ABL2: variants seen among roughly 807,000 people sequenced by gnomAD.
The protein encoded by ABL2 is tyrosine-protein kinase ABL2.
ABL2 carries 49 observed loss-of-function variants against 107.7 expected under a neutral mutation model. The ratio of observed to expected loss-of-function variants is 0.45; its 90% CI spans 0.36 to 0.58. The LOEUF is 0.58. Ranked by LOEUF, ABL2 falls within the 20% of genes least tolerant of loss-of-function variation. The pLI, the probability that ABL2 is intolerant of heterozygous loss-of-function variation, is 0.00. For missense variants in ABL2, 1,245 were observed against 1,457.0 expected, an observed-to-expected ratio of 0.85 and a Z score of 2.37; for synonymous variants, 549 against 548.6, an observed-to-expected ratio of 1.00 and a Z score of -0.01.
In ABL2 at chr1:179,196,177, T is replaced by C. The variant is rs201682923; in HGVS notation, c.157+33064A>G. 3.5e-4 allele frequency among the ~76,000 whole-genome samples: 54 copies of C among 152,362 alleles called. No homozygotes were observed. In the East Asian group the frequency reaches 5.8e-3, roughly 16 times the overall value. On this transcript the variant is annotated intron_variant, in intron 1 of 11. Transcript: ENST00000502732. ...ATATCAGTCTCAATCAGGCCTGCTA[T>C]GTTAATTCTTTCTGCACAACTGAGA...
chr1:179,135,631 C>T lies in ABL2; in HGVS notation c.158-2257G>A, dbSNP rs573555183. Reference sequence around the variant, plus strand: ...GTCAGCCCCCCACCCGGCCAGCCGCCCCATCCGGGAGGGAGGTGAGGGGGT... The same window carrying T: ...GTCAGCCCCCCACCCGGCCAGCCGCTCCATCCGGGAGGGAGGTGAGGGGGT... On this transcript the variant is annotated intron_variant, in intron 1 of 11. Coordinates refer to ENST00000502732, the MANE Select transcript of ABL2 (RefSeq NM_007314.4). 3.1e-3 allele frequency among the ~76,000 whole-genome samples: 472 copies of T among 151,656 alleles called. 1 individual carries two copies. The highest frequency in any genetic ancestry group is 5.4e-3 in the Non-Finnish European group (363 of 67,780).
chr1:179,143,368 A>C (rs1322636288), intron 1 of ABL2, among the ~76,000 whole-genome samples: 1 of 152,242 alleles, frequency 6.6e-6, no homozygotes, highest in Non-Finnish European at 1.5e-5. Flanking sequence ...TGTAGAAGTT[A>C]ATATATCTCT....
chr1:179,213,007 T>C (rs1284746936), intron 1 of ABL2, among the ~76,000 whole-genome samples: 1 of 148,150 alleles, frequency 6.7e-6, no homozygotes, highest in Non-Finnish European at 1.5e-5. Context: ...GATCACACCA[T>C]TGCAATCCAG....
At chr1:179,138,847 C>G (rs1310013417) in intron 1 of ABL2, among the ~76,000 whole-genome samples, 1 of 152,256 alleles carries the variant, frequency 6.6e-6, no homozygotes, top group African/African-American at 2.4e-5. Flanking sequence ...GAGGGAGAGG[C>G]GCCAGCAGGA....
Position 179,103,087 on chromosome 1 carries a change from T to C in ABL2, c.*4631A>G, listed in dbSNP as rs925594871. The C allele has an allele frequency of 9.0e-6, 2 of 221,130 alleles. No individual in the cohort carries two copies. The highest frequency in any genetic ancestry group is 1.8e-5 in the Non-Finnish European group (2 of 110,526). 13.7% of individuals were successfully genotyped at this position (221,130 alleles called of 1,614,324 possible). A position where few individuals can be genotyped will look rare whatever the true frequency, so the allele number is the denominator to read the frequency against. On this transcript the variant is annotated 3_prime_UTR_variant, in exon 12 of 12. Coordinates refer to ENST00000502732, the MANE Select transcript of ABL2 (RefSeq NM_007314.4). ...AATGGAGAAGAGTAAGAGGACCTCA[T>C]CCTTCTTGAGTCAAGGTCCTTGGAA...
chr1:179,212,433 G>C (rs1486698032), intron 1 of ABL2, among the ~76,000 whole-genome samples: 3 of 152,202 alleles, frequency 2.0e-5, no homozygotes, highest in African/African-American at 7.2e-5. Context: ...ATGTCCATTA[G>C]AAATATAATG....
Position 179,104,504 on chromosome 1 carries a change from C to T in ABL2, c.*3214G>A, listed in dbSNP as rs1653344665. 9.5e-6 allele frequency: 2 copies of T among 211,040 alleles called. No homozygotes were observed. The highest frequency in any genetic ancestry group is 5.9e-5 in the Admixed American group (1 of 17,020). The allele number at this position is 211,040 out of a possible 1,614,324, so 13.1% of individuals were successfully genotyped here. A position where few individuals can be genotyped will look rare whatever the true frequency, so the allele number is the denominator to read the frequency against. On this transcript the variant is annotated 3_prime_UTR_variant, in exon 12 of 12. Coordinates refer to ENST00000502732, the MANE Select transcript of ABL2 (RefSeq NM_007314.4). The stretch of plus-strand genomic sequence containing the variant: ...AAATGCTGCTGGTAAAGGGTCTCCA[C>T]TATAATGACCTCTATGTACAGAGGT...
intron 3 of ABL2, among the ~76,000 whole-genome samples, chr1:179,129,083 A>G (rs978916541): frequency 6.6e-6 from 1 of 152,236 alleles, no homozygotes; most frequent in East Asian, 1.9e-4. Flanking sequence ...TGTCTTTTAA[A>G]ATAATAAAAT....
intron 3 of ABL2, among the ~76,000 whole-genome samples, chr1:179,130,936 A>ATTTTTTT (rs11382795): frequency 2.8e-5 from 4 of 142,618 alleles, no homozygotes; most frequent in Non-Finnish European, 1.5e-5. Flanking sequence ...TTTCAGGATA[A>ATTTTTTT]TTTTTTTTTT....
intron 1 of ABL2, among the ~76,000 whole-genome samples, chr1:179,182,653 T>G (rs1241061005): frequency 6.6e-6 from 1 of 152,240 alleles, no homozygotes; most frequent in Non-Finnish European, 1.5e-5. Context: ...ATATCACATT[T>G]TCTTTATCCA....
At chr1:179,159,010 T>C (rs1658880120) in intron 1 of ABL2, among the ~76,000 whole-genome samples, 2 of 152,166 alleles carry the variant, frequency 1.3e-5, no homozygotes, top group Admixed American at 6.5e-5. Context: ...GCAGCTGTTA[T>C]ATTATGAGTA....
Position 179,143,489 on chromosome 1 carries a change from G to C in ABL2, c.158-10115C>G, listed in dbSNP as rs1480344034. On this transcript the variant is annotated intron_variant, in intron 1 of 11. Transcript: ENST00000502732. The stretch of plus-strand genomic sequence containing the variant: ...TTAAAAGAAAGGAAACGCCTAACAA[G>C]ACTCATCTTTTACATCACTTAAATA... 2.0e-5 allele frequency among the ~76,000 whole-genome samples: 3 copies of C among 152,126 alleles called. No homozygotes were observed. In the East Asian group the frequency reaches 5.8e-4, roughly 29 times the overall value.
chr1:179,127,194 C>G (rs1011257488), intron 3 of ABL2, among the ~76,000 whole-genome samples: 5 of 151,792 alleles, frequency 3.3e-5, no homozygotes, highest in African/African-American at 1.2e-4. Context: ...AAAACAAAAA[C>G]AAAAAATGAA....
At chr1:179,174,990 G>T (rs564018144) in intron 1 of ABL2, among the ~76,000 whole-genome samples, 3 of 150,538 alleles carry the variant, frequency 2.0e-5, no homozygotes, top group African/African-American at 7.3e-5. Context: ...AATATAAAAG[G>T]GTGCTTATCC....
chr1:179,109,140 C>G lies in ABL2; in HGVS notation c.2127G>C (p.Glu709Asp). ...AGCACTTGGGTGGCACCAGATTCGCCTCTTGCTGGGCAGGAGTGAAAGAGA... is the reference window on the plus strand; with the variant it reads ...AGCACTTGGGTGGCACCAGATTCGCGTCTTGCTGGGCAGGAGTGAAAGAGA... ...DGFSFTPAQQ[E>D]ANLVPPKCYG... Residue 709 changes from glutamate to aspartate, a missense_variant, in exon 12 of 12, where the codon GAG becomes GAC. Physicochemically the swap from Glu to Asp is conservative, Grantham distance 45 (BLOSUM62 2). Coordinates refer to ENST00000502732, the MANE Select transcript of ABL2 (RefSeq NM_007314.4). 6.2e-7 allele frequency: 1 copy of G among 1,613,604 alleles called. No individual in the cohort carries two copies. Among genetic ancestry groups the G allele is most frequent in the Non-Finnish European group, 8.5e-7 (1 of 1,179,940 alleles).
chr1:179,110,196 T>C, intron 11 of ABL2, 86 bp downstream of exon 11: 1 of 1,503,636 alleles, frequency 6.7e-7, no homozygotes, highest in Non-Finnish European at 9.2e-7. Context: ...AGGACGGGCA[T>C]GAAAGTGGAC....
chr1:179,121,107 AT>A, intron 5 of ABL2, among the ~76,000 whole-genome samples: 1 of 152,322 alleles, frequency 6.6e-6, no homozygotes, highest in East Asian at 1.9e-4. Flanking sequence ...TGAAAACCTT[AT>A]AATTTGATAC....
In ABL2 at chr1:179,108,042, G is replaced by C; in HGVS notation, c.3225C>G (p.Ala1075=). 6.2e-7 allele frequency: 1 copy of C among 1,614,206 alleles called. No homozygotes were observed. Among genetic ancestry groups the C allele is most frequent in the African/African-American group, 1.3e-5 (1 of 75,046 alleles). The change falls in exon 12 of 12, where the codon GCC becomes GCG. Residue 1075 remains alanine, a synonymous_variant. Transcript: ENST00000502732. The part of the protein sequence containing the change: ...TKVALRKTKQ[A]AEKISADKIS... Reference sequence around the variant, plus strand: ...TTTTGTCTGCTGAGATTTTCTCAGCGGCCTGTTTGGTTTTTCTCAGAGCCA... The same window carrying C: ...TTTTGTCTGCTGAGATTTTCTCAGCCGCCTGTTTGGTTTTTCTCAGAGCCA...
chr1:179,187,664 T>C (rs1375309939), intron 1 of ABL2, among the ~76,000 whole-genome samples: 1 of 152,224 alleles, frequency 6.6e-6, no homozygotes, highest in East Asian at 1.9e-4. Context: ...TTTACAAATA[T>C]AAATGTTCAT....
Sources: allele counts gnomAD v4.1 joint callset (sites outside exome capture counted in the v4.1 genomes callset), GRCh38; gene constraint gnomAD v4.1.1; transcripts MANE v1.5; gene names NCBI Gene and HGNC (gene_info 2026-07-23, HGNC 2026-07-21).